Variants in VCPKMT observed in about 807,000 individuals in gnomAD.
VCPKMT encodes the protein valosin containing protein lysine methyltransferase, also known as protein N-lysine methyltransferase METTL21D.
VCPKMT carries 32 observed loss-of-function variants against 28.6 expected under a neutral mutation model. That is an observed-to-expected ratio of 1.12 (90% confidence interval 0.84 to 1.50). The LOEUF (loss-of-function observed/expected upper bound fraction) is 1.50, where lower values mean the gene tolerates loss of function less well. Among genes scored for constraint, VCPKMT ranks in the 40% most tolerant of loss-of-function variants. VCPKMT has a pLI of 0.00. For missense variants in VCPKMT, 366 were observed against 285.0 expected, an observed-to-expected ratio of 1.28 and a Z score of -2.05; for synonymous variants, 138 against 111.4, an observed-to-expected ratio of 1.24 and a Z score of -1.50.
chr14:50,112,937 G>A (rs747911422), intron 4 of VCPKMT, among the ~76,000 whole-genome samples: 3 of 152,066 alleles, frequency 2.0e-5, no homozygotes, highest in Non-Finnish European at 4.4e-5. Flanking sequence ...ACAGGCAAAC[G>A]ACACCACACC....
chr14:50,106,895 T>C (rs1882342475), downstream of VCPKMT, among the ~76,000 whole-genome samples: 1 of 152,216 alleles, frequency 6.6e-6, no homozygotes, highest in Admixed American at 6.5e-5. Flanking sequence ...ATTTTTTGTA[T>C]GTTTTGTAGA....
chr14:50,113,969 A>C (rs554942426), intron 4 of VCPKMT, among the ~76,000 whole-genome samples: 1 of 152,218 alleles, frequency 6.6e-6, no homozygotes, highest in African/African-American at 2.4e-5. Flanking sequence ...CTCCAAAGGT[A>C]ATACATACAT....
At chr14:50,107,012 ACCCAG>A (rs1882348521), downstream of VCPKMT, among the ~76,000 whole-genome samples, 3 of 152,196 alleles carry the variant, frequency 2.0e-5, no homozygotes, top group African/African-American at 7.2e-5. Flanking sequence ...GAGCCACCTC[ACCCAG>A]CCTCCTCCTG....
At chr14:50,106,732 T>G (rs75409681), downstream of VCPKMT, 18,434 of 767,958 alleles carry the variant, frequency 0.024, 236 homozygotes, top group Non-Finnish European at 0.027. Flanking sequence ...GGTTTTGTTT[T>G]TTTGAGATAG....
downstream of VCPKMT, among the ~76,000 whole-genome samples, chr14:50,107,078 A>T (rs1483069824): frequency 6.6e-6 from 1 of 152,200 alleles, no homozygotes; most frequent in Non-Finnish European, 1.5e-5. Flanking sequence ...TCGAAAGCCC[A>T]AAAGACTAAA....
downstream of VCPKMT, chr14:50,106,666 T>A: frequency 1.0e-6 from 1 of 983,042 alleles, no homozygotes; most frequent in Non-Finnish European, 1.2e-6. Flanking sequence ...AATACTGGTC[T>A]CCCATACTTG....
chr14:50,108,730 A>G lies in VCPKMT; in HGVS notation c.*969T>C, dbSNP rs1447409533. The G allele has an allele frequency of 1.0e-6, 1 of 985,774 alleles. No individual in the cohort carries two copies. The highest frequency in any genetic ancestry group is 1.2e-6 in the Non-Finnish European group (1 of 829,940). 61.1% of individuals were successfully genotyped at this position (985,774 alleles called of 1,614,324 possible). ...ATTCCATCCGGTTACTACTCTTTGG[A>G]ACAAGTATGATTAAAGTCCTTGACA... On this transcript the variant is annotated 3_prime_UTR_variant, in exon 6 of 6. Transcript: ENST00000395860.
chr14:50,113,788 TGGGGGCGGGGGGGGGG>T (rs1882874529), intron 4 of VCPKMT, among the ~76,000 whole-genome samples: 1 of 1,408 alleles, frequency 7.1e-4, no homozygotes, highest in Non-Finnish European at 1.7e-3. Flanking sequence ...CCCACTTACT[TGGGGGCGGGGGGGGGG>T]GGGGGTGACA....
chr14:50,114,174 C>T, intron 4 of VCPKMT, 111 bp downstream of exon 4: 1 of 1,109,386 alleles, frequency 9.0e-7, no homozygotes. Context: ...CTCAGCTTCA[C>T]ACAAACAGCA....
chr14:50,103,133 AG>A, the VCPKMT span, among the ~76,000 whole-genome samples: 2 of 152,242 alleles, frequency 1.3e-5, no homozygotes. Context: ...AGTGTGGCCC[AG>A]GGAAGATTGC....
chr14:50,103,210 C>A, the VCPKMT span, among the ~76,000 whole-genome samples: 1 of 152,104 alleles, frequency 6.6e-6, no homozygotes, highest in African/African-American at 2.4e-5. Flanking sequence ...AGACACAATC[C>A]AAGGTTTTGT....
Position 50,115,826 on chromosome 14 carries a change from ACTGGATACTTAC to A in VCPKMT, c.450+1_450+12del, listed in dbSNP as rs1430126513. 1 of 1,591,320 alleles carries A rather than the reference ACTGGATACTTAC, an allele frequency of 6.3e-7. No individual in the cohort carries two copies. The highest frequency in any genetic ancestry group is 8.6e-7 in the Non-Finnish European group (1 of 1,162,930). On this transcript the variant is annotated splice_donor_variant and splice_donor_5th_base_variant and intron_variant, in intron 3 of 5. Coordinates refer to ENST00000395860, the MANE Select transcript of VCPKMT (RefSeq NM_024558.3). LOFTEE classifies it high-confidence loss of function. ...TCTTCTAAGTGAAGAGACTTCGCTC[ACTGGATACTTAC>A]CTCTTCATAGTATATGCAGTCGGCC...
At chr14:50,109,776 AATAATGCCTAATATGCCTC>A (rs1370135584) in intron 5 of VCPKMT, 63 bp from the exon 6 acceptor site, 76 of 1,538,732 alleles carry the variant, frequency 4.9e-5, no homozygotes, top group Non-Finnish European at 6.6e-5. Flanking sequence ...CTGGGTATTT[AATAATGCCTAATATGCCTC>A]ATAATGCCTA....
At chr14:50,111,468 A>T in intron 5 of VCPKMT, 1 of 985,448 alleles carries the variant, frequency 1.0e-6, no homozygotes, top group Non-Finnish European at 1.2e-6. Flanking sequence ...AAACATAATC[A>T]AAGCAAAGAT....
downstream of VCPKMT, among the ~76,000 whole-genome samples, chr14:50,106,089 C>T (rs77466882): frequency 7.1e-3 from 1,077 of 152,194 alleles, 14 homozygotes; most frequent in African/African-American, 0.024. Flanking sequence ...AGATGCTAAA[C>T]GGATAAAAGA....
At position 50,109,548 on chromosome 14, in the gene VCPKMT, C is replaced by T. The variant is rs900884842; in HGVS notation, c.*151G>A. Reference sequence around the variant, plus strand: ...GGAATTTTTCGTATTGCAGACAGCCCCTGGTGGTCATCATCTATACATCGG... The same window carrying T: ...GGAATTTTTCGTATTGCAGACAGCCTCTGGTGGTCATCATCTATACATCGG... On this transcript the variant is annotated 3_prime_UTR_variant, in exon 6 of 6. Coordinates refer to ENST00000395860, the MANE Select transcript of VCPKMT (RefSeq NM_024558.3). 2.9e-6 allele frequency: 4 copies of T among 1,357,504 alleles called. No individual in the cohort carries two copies. In the African/African-American group the frequency reaches 6.1e-5, roughly 21 times the overall value. 84.1% of individuals were successfully genotyped at this position (1,357,504 alleles called of 1,614,324 possible). A position where few individuals can be genotyped will look rare whatever the true frequency, so the allele number is the denominator to read the frequency against.
chr14:50,105,893 T>C (rs1007407147), downstream of VCPKMT, among the ~76,000 whole-genome samples: 1 of 151,814 alleles, frequency 6.6e-6, no homozygotes, highest in African/African-American at 2.4e-5. Flanking sequence ...TTTCAGATTA[T>C]ATTTATAGTC....
rs1883223453 is a variant in VCPKMT, at chr14:50,116,429, C to G, written c.124G>C (p.Val42Leu). 1 of 1,613,904 alleles carries G rather than the reference C, an allele frequency of 6.2e-7. No homozygotes were observed. Among genetic ancestry groups the G allele is most frequent in the African/African-American group, 1.3e-5 (1 of 74,918 alleles). ...QYSSGGVGCVVWDAAIVLSKY... is the reference protein window; with the variant it reads ...QYSSGGVGCVLWDAAIVLSKY... ...GAAAGGACAATGGCAGCGTCCCACA[C>G]AACGCAACCCACGCCACCGGAGCTA... Residue 42 changes from valine to leucine, a missense_variant, in exon 1 of 6, where the codon GTG becomes CTG. Coordinates refer to ENST00000395860, the MANE Select transcript of VCPKMT (RefSeq NM_024558.3).
rs1419338979 is a variant in VCPKMT at position 50,109,292 on chromosome 14, T to C, written c.*407A>G. On this transcript the variant is annotated 3_prime_UTR_variant, in exon 6 of 6. Transcript: ENST00000395860. ...TGAAGACAAACTAAAATTTACTAGTTTGAATTTAAAACATTATTATATAAT... is the reference window on the plus strand; with the variant it reads ...TGAAGACAAACTAAAATTTACTAGTCTGAATTTAAAACATTATTATATAAT... 1 of 990,222 alleles carries C rather than the reference T, an allele frequency of 1.0e-6. No homozygotes were observed. Among genetic ancestry groups the C allele is most frequent in the East Asian group, 1.1e-4 (1 of 9,392 alleles). 61.3% of individuals were successfully genotyped at this position (990,222 alleles called of 1,614,324 possible).
Sources: gnomAD v4.1 joint callset for allele counts (sites outside exome capture counted in the v4.1 genomes callset) on GRCh38, gnomAD v4.1.1 for gene constraint, MANE v1.5 for transcripts, NCBI Gene and HGNC (gene_info 2026-07-23, HGNC 2026-07-21) for gene names.